STAU2: variants seen among roughly 807,000 people sequenced by gnomAD.
STAU2 encodes the protein staufen double-stranded RNA binding protein 2.
Under a neutral mutation model 65.9 loss-of-function variants are expected in STAU2, and 20 were observed. The ratio of observed to expected loss-of-function variants is 0.30; its 90% CI spans 0.21 to 0.44. The LOEUF (loss-of-function observed/expected upper bound fraction) is 0.44, where lower values mean the gene tolerates loss of function less well. Among genes scored for constraint, STAU2 ranks in the 20% least tolerant of loss-of-function variants. The pLI is 1.00. For synonymous variants in STAU2, 232 were observed against 233.9 expected (o/e 0.99, Z 0.07); for missense variants, 558 against 683.9 (o/e 0.82, Z 2.05).
intron 12 of STAU2, among the ~76,000 whole-genome samples, chr8:73,571,108 A>G (rs1299420900): frequency 2.0e-5 from 3 of 152,230 alleles, no homozygotes; most frequent in Non-Finnish European, 2.9e-5. Context: ...AGTCTCTGAC[A>G]AAACAGACTT....
intron 5 of STAU2, among the ~76,000 whole-genome samples, chr8:73,680,244 A>C (rs1818337529): frequency 6.6e-6 from 1 of 152,024 alleles, no homozygotes; most frequent in Non-Finnish European, 1.5e-5. Flanking sequence ...GCAAGGCCTG[A>C]AAGCCCTGCT....
chr8:73,421,747 C>T (rs1230864128), intron 14 of STAU2, among the ~76,000 whole-genome samples: 2 of 152,176 alleles, frequency 1.3e-5, no homozygotes, highest in Non-Finnish European at 2.9e-5. Context: ...ATATTAACAA[C>T]CAAATGCTGT....
At chr8:73,651,671 G>A (rs1815888486) in intron 6 of STAU2, 7 of 501,030 alleles carry the variant, frequency 1.4e-5, no homozygotes, top group Middle Eastern at 4.7e-4. Context: ...GCCTGCTGCT[G>A]TGGGCAGCCT....
At chr8:73,449,607 C>G (rs1190709276) in intron 13 of STAU2, among the ~76,000 whole-genome samples, 2 of 152,184 alleles carry the variant, frequency 1.3e-5, no homozygotes, top group African/African-American at 4.8e-5. Flanking sequence ...CAACTGGAAC[C>G]AGGGCAGCAG....
intron 13 of STAU2, among the ~76,000 whole-genome samples, chr8:73,444,894 G>A (rs1290673139): frequency 6.6e-6 from 1 of 152,202 alleles, no homozygotes; most frequent in Non-Finnish European, 1.5e-5. Context: ...CTAACAGTAG[G>A]CAAGGGGCAC....
intron 13 of STAU2, among the ~76,000 whole-genome samples, chr8:73,429,627 A>T (rs1212543054): frequency 6.6e-6 from 1 of 151,036 alleles, no homozygotes; most frequent in African/African-American, 2.4e-5. Flanking sequence ...TAGTAGGGAC[A>T]AAGTCCTGCT....
rs189381312 is a variant in STAU2 at position 73,710,815 on chromosome 8, T to C, written c.-17-1653A>G. On this transcript the variant is annotated intron_variant, in intron 3 of 14. Coordinates refer to ENST00000524300, the MANE Select transcript of STAU2 (RefSeq NM_001164380.2). ...CTGCTCATTTAAACTATAGTCACAA[T>C]AAATACAGTTCAATTGTAGCCACAA... 4.6e-3 allele frequency among the ~76,000 whole-genome samples: 701 copies of C among 152,100 alleles called. 9 individuals carry two copies. The highest frequency in any genetic ancestry group is 5.4e-3 in the Non-Finnish European group (368 of 67,928).
At chr8:73,628,193 T>C (rs1419220831) in intron 6 of STAU2, among the ~76,000 whole-genome samples, 2 of 151,600 alleles carry the variant, frequency 1.3e-5, no homozygotes, top group African/African-American at 4.8e-5. Context: ...CCCATCTCAG[T>C]CTCTCAAGTA....
intron 13 of STAU2, among the ~76,000 whole-genome samples, chr8:73,523,226 T>C (rs1445705176): frequency 8.1e-6 from 1 of 124,110 alleles, no homozygotes; most frequent in Non-Finnish European, 1.8e-5. Context: ...AAAAGAAAAG[T>C]CTGAAGCAGG....
chr8:73,424,640 G>A (rs946635743), intron 13 of STAU2, among the ~76,000 whole-genome samples: 1 of 151,804 alleles, frequency 6.6e-6, no homozygotes, highest in Non-Finnish European at 1.5e-5. Flanking sequence ...TCCAGTTTTT[G>A]GCAACTATGA....
chr8:73,446,149 C>T (rs1818454597), intron 13 of STAU2, among the ~76,000 whole-genome samples: 1 of 152,142 alleles, frequency 6.6e-6, no homozygotes, highest in Admixed American at 6.5e-5. Context: ...TTGGATGGAC[C>T]TCAGGGACAT....
chr8:73,468,943 TC>T (rs201458788), intron 13 of STAU2, among the ~76,000 whole-genome samples: 45,253 of 151,406 alleles, frequency 0.3, 7,320 homozygotes, highest in East Asian at 0.55. Flanking sequence ...GACCCAGCCA[TC>T]CCATTACTGA....
At chr8:73,473,892 A>C (rs1186565406) in intron 13 of STAU2, among the ~76,000 whole-genome samples, 1 of 152,194 alleles carries the variant, frequency 6.6e-6, no homozygotes, top group Non-Finnish European at 1.5e-5. Flanking sequence ...AAAAAAGGAG[A>C]TGGAAGAAGG....
intron 12 of STAU2, among the ~76,000 whole-genome samples, chr8:73,580,134 TA>T (rs1276444940): frequency 6.6e-6 from 1 of 152,162 alleles, no homozygotes; most frequent in Non-Finnish European, 1.5e-5. Context: ...AATGGGTGGC[TA>T]AAAATTTGAT....
At chr8:73,451,252 G>T (rs1404043385) in intron 13 of STAU2, among the ~76,000 whole-genome samples, 1 of 152,054 alleles carries the variant, frequency 6.6e-6, no homozygotes, top group Non-Finnish European at 1.5e-5. Context: ...TCTTTAATAG[G>T]GGTGTCTATA....
At chr8:73,685,252 G>A (rs78412574) in intron 5 of STAU2, among the ~76,000 whole-genome samples, 30,976 of 151,982 alleles carry the variant, frequency 0.2, 3,555 homozygotes, top group East Asian at 0.37. Context: ...CCCAGAATCA[G>A]GAAGTTCTTT....
chr8:73,456,784 A>G (rs1819095433), intron 13 of STAU2, among the ~76,000 whole-genome samples: 1 of 152,248 alleles, frequency 6.6e-6, no homozygotes, highest in Admixed American at 6.5e-5. Context: ...AGAAAAATGT[A>G]TATGCAAACA....
intron 13 of STAU2, chr8:73,549,862 T>C: frequency 2.0e-6 from 2 of 985,594 alleles, no homozygotes; most frequent in Non-Finnish European, 2.4e-6. Context: ...AACAAGCTGG[T>C]CCTGTAATTT....
chr8:73,452,070 G>A (rs79581636), intron 13 of STAU2, among the ~76,000 whole-genome samples: 1,527 of 152,298 alleles, frequency 0.01, 24 homozygotes, highest in African/African-American at 0.035. Flanking sequence ...GCCAGGACCA[G>A]GGCAGACACG....
Sources: gnomAD v4.1 joint callset for allele counts (sites outside exome capture counted in the v4.1 genomes callset) on GRCh38, gnomAD v4.1.1 for gene constraint, MANE v1.5 for transcripts, NCBI Gene and HGNC (gene_info 2026-07-23, HGNC 2026-07-21) for gene names.